BRD7: variants seen among roughly 807,000 people sequenced by gnomAD.
BRD7 encodes the protein bromodomain-containing protein 7.
A neutral mutation model predicts 82.1 loss-of-function variants in BRD7; 15 were observed. The observed-to-expected ratio is 0.18, with a 90% CI of 0.12 to 0.28. The LOEUF is 0.28. BRD7 is among the 10% of genes least tolerant of loss of function. The pLI is 1.00. For missense variants in BRD7, 638 were observed against 779.9 expected, an observed-to-expected ratio of 0.82 and a Z score of 2.17; for synonymous variants, 232 against 266.9, an observed-to-expected ratio of 0.87 and a Z score of 1.27.
chr16:50,356,136 T>G (rs780949946), intron 2 of BRD7, among the ~76,000 whole-genome samples: 1 of 152,188 alleles, frequency 6.6e-6, no homozygotes, highest in Admixed American at 6.5e-5. Context: ...TTTGGCAACA[T>G]TTGTCTGAAA....
At chr16:50,342,455 C>CTTTTTTTTTTTT (rs34093559) in intron 5 of BRD7, among the ~76,000 whole-genome samples, 1 of 102,940 alleles carries the variant, frequency 9.7e-6, no homozygotes. Flanking sequence ...AAGACACTGT[C>CTTTTTTTTTTTT]TTTTTTTTTT....
chr16:50,328,843 G>T, intron 8 of BRD7, 99 bp from the exon 9 acceptor site: 1 of 1,071,820 alleles, frequency 9.3e-7, no homozygotes, highest in East Asian at 2.4e-5. Flanking sequence ...GTTGTGGATT[G>T]CAGATTTTCC....
intron 5 of BRD7, among the ~76,000 whole-genome samples, chr16:50,343,579 A>G (rs149615125): frequency 6.6e-6 from 1 of 152,146 alleles, no homozygotes; most frequent in Non-Finnish European, 1.5e-5. Context: ...GACAGACTGT[A>G]CCTGGAAAAT....
At position 50,317,946 on chromosome 16, in the gene BRD7, C is replaced by CTT. The variant is rs1163668552; in HGVS notation, c.*1263_*1264dup. The CTT allele has an allele frequency of 6.6e-6, 1 of 152,220 alleles. No homozygotes were observed. Among genetic ancestry groups the CTT allele is most frequent in the African/African-American group, 2.4e-5 (1 of 41,418 alleles). 9.4% of individuals were successfully genotyped at this position (152,220 alleles called of 1,614,324 possible). A position where few individuals can be genotyped will look rare whatever the true frequency, so the allele number is the denominator to read the frequency against. ...AGAGAAGATCATTAACCACTGTATA[C>CTT]TTTGTGTATATAATAGGTCAGTGTA... On this transcript the variant is annotated 3_prime_UTR_variant, in exon 17 of 17. Transcript: ENST00000394688.
In BRD7 at chr16:50,342,574, C is replaced by G. The variant is rs116283776; in HGVS notation, c.592-2488G>C. On this transcript the variant is annotated intron_variant, in intron 5 of 16. Transcript: ENST00000394688. The stretch of plus-strand genomic sequence containing the variant: ...TAGCTGGGACTACAGGCATCCGCCA[C>G]CACACTCAGCCAATTTTTTTGTATT... Among the ~76,000 whole-genome samples, 1,345 of 151,514 alleles carry G rather than the reference C, an allele frequency of 8.9e-3. 19 individuals are homozygous for G. Among genetic ancestry groups the G allele is most frequent in the African/African-American group, 0.031 (1,274 of 41,218 alleles).
intron 3 of BRD7, 122 bp downstream of exon 3, chr16:50,354,671 G>C: frequency 7.3e-7 from 1 of 1,362,076 alleles, no homozygotes; most frequent in Non-Finnish European, 1.0e-6. Context: ...TGCAGTTTGA[G>C]AGAAAAAACT....
At chr16:50,358,791 A>C (rs888996011) in intron 2 of BRD7, among the ~76,000 whole-genome samples, 1 of 152,226 alleles carries the variant, frequency 6.6e-6, no homozygotes, top group Non-Finnish European at 1.5e-5. Context: ...AGGGAGTCCA[A>C]AAGAAAAAAA....
chr16:50,366,770 A>G (rs997760053), intron 2 of BRD7, among the ~76,000 whole-genome samples: 1 of 152,226 alleles, frequency 6.6e-6, no homozygotes, highest in Admixed American at 6.5e-5. Flanking sequence ...AGTACTCTTG[A>G]CTTTTAAAAA....
At chr16:50,343,306 CA>C (rs1181385680) in intron 5 of BRD7, among the ~76,000 whole-genome samples, 3 of 152,186 alleles carry the variant, frequency 2.0e-5, no homozygotes, top group Non-Finnish European at 4.4e-5. Context: ...TGAGTCCTCA[CA>C]AGATCTGGTT....
chr16:50,336,643 G>A (rs1316041477), intron 6 of BRD7, among the ~76,000 whole-genome samples: 4 of 152,124 alleles, frequency 2.6e-5, no homozygotes, highest in African/African-American at 9.7e-5. Flanking sequence ...GTTTTATTTT[G>A]CTACATTAAA....
chr16:50,357,168 C>T (rs193007626), intron 2 of BRD7, among the ~76,000 whole-genome samples: 53 of 152,344 alleles, frequency 3.5e-4, no homozygotes, highest in Admixed American at 1.8e-3. Flanking sequence ...CCTAGAATTA[C>T]TGATCTGCAG....
intron 5 of BRD7, among the ~76,000 whole-genome samples, chr16:50,342,563 G>A (rs1032965279): frequency 3.5e-5 from 5 of 142,692 alleles, no homozygotes; most frequent in Admixed American, 2.3e-4. Flanking sequence ...TGGGACTACA[G>A]GCATCCGCCA....
chr16:50,348,640 A>G (rs1407170757), intron 5 of BRD7, among the ~76,000 whole-genome samples: 1 of 152,210 alleles, frequency 6.6e-6, no homozygotes, highest in Non-Finnish European at 1.5e-5. Context: ...ACATTCATGC[A>G]GAAGACACGT....
Position 50,320,041 on chromosome 16 carries a change from A to G in BRD7, c.1757-11T>C. On this transcript the variant is annotated splice_polypyrimidine_tract_variant and intron_variant, in intron 15 of 16. Transcript: ENST00000394688. ...TGGTCACTTGTTCAGCTAAAAAGAA[A>G]AACAAAGTTCCAGATACTAAAGCAT... 1 of 1,600,290 alleles carries G rather than the reference A, an allele frequency of 6.2e-7. No individual in the cohort carries two copies. Among genetic ancestry groups the G allele is most frequent in the Non-Finnish European group, 8.5e-7 (1 of 1,174,648 alleles).
At chr16:50,354,703 C>CTTAGAAG (rs2038665887) in intron 3 of BRD7, 90 bp downstream of exon 3, 1 of 1,483,940 alleles carries the variant, frequency 6.7e-7, no homozygotes, top group Admixed American at 2.3e-5. Flanking sequence ...TCACAAAGCT[C>CTTAGAAG]CAACTTAGAA....
At chr16:50,320,631 G>T in intron 14 of BRD7, 32 bp downstream of exon 14, 1 of 1,524,388 alleles carries the variant, frequency 6.6e-7, no homozygotes, top group Non-Finnish European at 9.1e-7. Context: ...ACATCATGCA[G>T]TGTTTCAATC....
chr16:50,341,090 T>G (rs1422193505), intron 5 of BRD7, among the ~76,000 whole-genome samples: 3 of 151,984 alleles, frequency 2.0e-5, no homozygotes, highest in Non-Finnish European at 2.9e-5. Flanking sequence ...GAAGTATATG[T>G]GGATCTTCAG....
At chr16:50,346,852 T>A (rs1246076163) in intron 5 of BRD7, among the ~76,000 whole-genome samples, 1 of 152,230 alleles carries the variant, frequency 6.6e-6, no homozygotes, top group Admixed American at 6.5e-5. Context: ...CTGGTACTAT[T>A]CCTTCTGAAA....
chr16:50,364,000 C>T (rs2039041202), intron 2 of BRD7, among the ~76,000 whole-genome samples: 1 of 151,540 alleles, frequency 6.6e-6, no homozygotes, highest in Non-Finnish European at 1.5e-5. Context: ...GAGTTTGAAG[C>T]TGCAGTGGAC....
Sources: gnomAD v4.1 joint callset for allele counts (sites outside exome capture counted in the v4.1 genomes callset) on GRCh38, gnomAD v4.1.1 for gene constraint, MANE v1.5 for transcripts, NCBI Gene and HGNC (gene_info 2026-07-23, HGNC 2026-07-21) for gene names.